ARL13A: variants seen among roughly 807,000 people sequenced by gnomAD.
ARL13A encodes the protein ARF like GTPase 13A, also known as ADP-ribosylation factor-like protein 13A.
ARL13A carries 16 observed loss-of-function variants against 19.1 expected under a neutral mutation model. The observed-to-expected ratio is 0.84, with a 90% confidence interval of 0.57 to 1.27. The LOEUF is 1.27. ARL13A is among the 50% of genes most tolerant of loss of function. The pLI is 0.00. For missense variants in ARL13A, 153 were observed against 186.4 expected (o/e 0.82, Z 1.04); for synonymous variants, 69 against 71.3 (o/e 0.97, Z 0.17).
In ARL13A at chrX:100,988,250, A is replaced by T. The variant is rs779062973; in HGVS notation, c.711A>T (p.Ser237=). ...AAAGACAGCATCTAGAACAATGCTC[A>T]ATCGAAGCTAAGCCTCTAAAGTCAA... ...KEKRQHLEQC[S]IEAKPLKSIL... The change falls in exon 7 of 8, where the codon TCA becomes TCT. Residue 237 remains serine, a synonymous_variant. Coordinates refer to ENST00000450049, the MANE Select transcript of ARL13A (RefSeq NM_001162491.2). The T allele has an allele frequency of 8.3e-7, 1 of 1,209,247 alleles. No homozygotes were observed. Among genetic ancestry groups the T allele is most frequent in the East Asian group, 3.0e-5 (1 of 33,811 alleles).
At chrX:100,989,820 C>G (rs183007629) in intron 7 of ARL13A, among the ~76,000 whole-genome samples, 183 of 111,735 alleles carry the variant, frequency 1.6e-3, no homozygotes, top group African/African-American at 5.6e-3. Flanking sequence ...TCCCTGGCTA[C>G]CTTGGAGCTT....
chrX:100,982,265 T>G (rs1373577259), intron 3 of ARL13A, among the ~76,000 whole-genome samples: 1 of 109,928 alleles, frequency 9.1e-6, no homozygotes, highest in South Asian at 3.9e-4. Context: ...CCAAGGCGGG[T>G]GGATCACCTG....
chrX:100,969,984 T>A (rs1403933686), intron 1 of ARL13A, among the ~76,000 whole-genome samples, 175 bp downstream of exon 1: 11 of 112,098 alleles, frequency 9.8e-5, no homozygotes, highest in African/African-American at 3.6e-4. Flanking sequence ...TACCCTTCCT[T>A]ATAAAGGAAG....
chrX:100,973,948 G>A (rs1285323836), intron 2 of ARL13A, among the ~76,000 whole-genome samples, 179 bp from the exon 3 acceptor site: 1 of 111,473 alleles, frequency 9.0e-6, no homozygotes, highest in African/African-American at 3.3e-5. Flanking sequence ...AGCATCCTTG[G>A]GGGCTTTGGT....
chrX:100,970,561 C>T (rs931663967), intron 1 of ARL13A, among the ~76,000 whole-genome samples: 4 of 112,137 alleles, frequency 3.6e-5, no homozygotes, highest in East Asian at 2.8e-4. Context: ...TCAGTAAACT[C>T]GGGGGAAATG....
intron 3 of ARL13A, among the ~76,000 whole-genome samples, chrX:100,979,685 A>G (rs1268188343): frequency 9.0e-6 from 1 of 111,535 alleles, no homozygotes; most frequent in Non-Finnish European, 1.9e-5. Context: ...GTGTCTGGGC[A>G]TTGAAGAGTT....
At chrX:100,974,366 G>GTC (rs1035089352) in intron 3 of ARL13A, among the ~76,000 whole-genome samples, 169 bp downstream of exon 3, 41 of 103,563 alleles carry the variant, frequency 4.0e-4, no homozygotes, top group Middle Eastern at 5.0e-3. Context: ...ATCTCTCTCT[G>GTC]TCTCTCTCTC....
chrX:100,973,576 C>A, intron 1 of ARL13A, 100 bp from the exon 2 acceptor site: 1 of 955,592 alleles, frequency 1.0e-6, no homozygotes, highest in Non-Finnish European at 1.5e-6. Context: ...CAATCCCAGG[C>A]TTTCTGTTTA....
At chrX:100,986,756 T>G (rs2085940756) in intron 4 of ARL13A, 40 bp from the exon 5 acceptor site, 1 of 1,007,433 alleles carries the variant, frequency 9.9e-7, no homozygotes, top group Non-Finnish European at 1.4e-6. Flanking sequence ...TTGGTTTCAC[T>G]CTTCCACTCT....
chrX:100,978,664 G>A (rs1001832826), intron 3 of ARL13A, among the ~76,000 whole-genome samples: 2 of 109,515 alleles, frequency 1.8e-5, no homozygotes, highest in Non-Finnish European at 3.8e-5. Context: ...TATGTCTTTT[G>A]ATTGGAGAGT....
intron 3 of ARL13A, among the ~76,000 whole-genome samples, chrX:100,982,134 T>A (rs999462955): frequency 9.0e-6 from 1 of 110,747 alleles, no homozygotes; most frequent in African/African-American, 3.3e-5. Flanking sequence ...TGGGGAGCTT[T>A]TTAAAAAAAT....
At chrX:100,984,046 G>A (rs1032448884) in intron 3 of ARL13A, among the ~76,000 whole-genome samples, 7 of 110,874 alleles carry the variant, frequency 6.3e-5, no homozygotes, top group African/African-American at 2.3e-4. Flanking sequence ...AGGCTAGAAC[G>A]GTCAGTTCAA....
intron 3 of ARL13A, among the ~76,000 whole-genome samples, chrX:100,981,174 C>A (rs992996850): frequency 9.0e-6 from 1 of 111,320 alleles, no homozygotes; most frequent in Non-Finnish European, 1.9e-5. Context: ...GCCTGGACTG[C>A]CTTTTAAATT....
Position 100,985,680 on chromosome X carries a change from G to A in ARL13A, c.144G>A (p.Lys48=). The A allele has an allele frequency of 8.3e-7, 1 of 1,209,761 alleles. No homozygotes were observed. Among genetic ancestry groups the A allele is most frequent in the Non-Finnish European group, 1.1e-6 (1 of 894,637 alleles). Residue 48 remains lysine (K), a synonymous_variant, in exon 4 of 8, where the codon AAG becomes AAA. Transcript: ENST00000450049. ...CCCTATGCACAGTACTTCCCAGTAAGACAGACCATTGCATGAAATCGGAAC... is the reference window on the plus strand; with the variant it reads ...CCCTATGCACAGTACTTCCCAGTAAAACAGACCATTGCATGAAATCGGAAC... ...VEAFQKLLPS[K]TDHCMKSELT...
intron 3 of ARL13A, among the ~76,000 whole-genome samples, chrX:100,979,222 T>G (rs1466620269): frequency 1.8e-5 from 2 of 111,435 alleles, no homozygotes; most frequent in African/African-American, 6.5e-5. Flanking sequence ...TACCAGGGGG[T>G]TTTATACCTT....
rs1489653905 is a variant in ARL13A at position 100,987,622 on chromosome X, C to T, written c.653+66C>T. The T allele has an allele frequency of 2.6e-6, 3 of 1,139,303 alleles. No homozygotes were observed. In the Admixed American group the frequency reaches 7.0e-5, roughly 27 times the overall value. 93.9% of individuals were successfully genotyped at this position (1,139,303 alleles called of 1,213,427 possible). On this transcript the variant is annotated intron_variant, in intron 6 of 7. Coordinates refer to ENST00000450049, the MANE Select transcript of ARL13A (RefSeq NM_001162491.2). ...TGCAGGGATCAGTCTTTCTCACGAGCAAGGAGTTCTGGGAGGTGCTTGGAT... is the reference window on the plus strand; with the variant it reads ...TGCAGGGATCAGTCTTTCTCACGAGTAAGGAGTTCTGGGAGGTGCTTGGAT...
intron 4 of ARL13A, among the ~76,000 whole-genome samples, chrX:100,986,364 G>T (rs779434905): frequency 6.3e-5 from 7 of 111,602 alleles, no homozygotes; most frequent in African/African-American, 2.0e-4. Flanking sequence ...TTATTCCAGG[G>T]TGATAATGCA....
At chrX:100,988,880 A>ATATATATATATATATATATC in intron 7 of ARL13A, among the ~76,000 whole-genome samples, 1 of 91,825 alleles carries the variant, frequency 1.1e-5, no homozygotes, top group South Asian at 5.2e-4. Context: ...ATATATATAT[A>ATATATATATATATATATATC]TCAAGAATTT....
intron 7 of ARL13A, chrX:100,990,236 C>G (rs1354927016): frequency 1.7e-6 from 1 of 583,303 alleles, no homozygotes; most frequent in African/African-American, 2.5e-5. Flanking sequence ...TGGAAACTGG[C>G]CAATACCCTC....
Sources: gnomAD v4.1 joint callset for allele counts (sites outside exome capture counted in the v4.1 genomes callset) on GRCh38, gnomAD v4.1.1 for gene constraint, MANE v1.5 for transcripts, NCBI Gene and HGNC (gene_info 2026-07-23, HGNC 2026-07-21) for gene names.